Variants in PDIA6 observed in about 807,000 individuals in gnomAD.
PDIA6 encodes the protein protein disulfide isomerase family A member 6.
PDIA6 carries 29 observed loss-of-function variants against 58.4 expected under a neutral mutation model. The observed-to-expected ratio is 0.50, with a 90% CI of 0.37 to 0.68. The LOEUF is 0.68. Ranked by LOEUF, PDIA6 falls within the 30% of genes least tolerant of loss-of-function variation. The pLI, the probability that PDIA6 is intolerant of heterozygous loss-of-function variation, is 0.00. For missense variants in PDIA6, 480 were observed against 551.0 expected, an observed-to-expected ratio of 0.87 and a Z score of 1.29; for synonymous variants, 192 against 202.6, an observed-to-expected ratio of 0.95 and a Z score of 0.44.
At chr2:10,785,957 G>T (rs1408425575) in intron 11 of PDIA6, among the ~76,000 whole-genome samples, 1 of 151,452 alleles carries the variant, frequency 6.6e-6, no homozygotes, top group South Asian at 2.1e-4. Context: ...CAAGTGATCC[G>T]CCTGCCTCAG....
At chr2:10,784,873 C>A in intron 12 of PDIA6, 61 bp downstream of exon 12, 1 of 1,238,350 alleles carries the variant, frequency 8.1e-7, no homozygotes, top group Non-Finnish European at 1.2e-6. Flanking sequence ...TGCAGAGATG[C>A]ACAGGCTCAA....
chr2:10,806,029 A>T (rs1572681527), intron 1 of PDIA6, among the ~76,000 whole-genome samples: 1 of 61,116 alleles, frequency 1.6e-5, no homozygotes, highest in Admixed American at 2.0e-4. Context: ...TATAATTAAA[A>T]AAAAAAAAAA....
Position 10,802,604 on chromosome 2 carries a change from C to A in PDIA6, c.56G>T (p.Gly19Val). The A allele has an allele frequency of 2.0e-6, 3 of 1,479,720 alleles. No homozygotes were observed. The highest frequency in any genetic ancestry group is 1.5e-5 in the South Asian group (1 of 66,982). 91.7% of individuals were successfully genotyped at this position (1,479,720 alleles called of 1,614,324 possible). The change falls in exon 2 of 13, where the codon GGT (glycine) becomes GTT (valine). Residue 19 changes from glycine (G) to valine (V), a missense_variant. Transcript: ENST00000272227. The part of the protein sequence containing the change: ...VSCTFFLAVN[G>V]LYSSSDDVIE... Reference sequence around the variant, plus strand: ...CACATCATCACTAGAGGAATACAGACCATTCACTGCCAGAAAGAAGGTACA... The same window carrying A: ...CACATCATCACTAGAGGAATACAGAACATTCACTGCCAGAAAGAAGGTACA...
At chr2:10,824,210 A>T (rs1667484810) in intron 1 of PDIA6, among the ~76,000 whole-genome samples, 1 of 151,166 alleles carries the variant, frequency 6.6e-6, no homozygotes, top group Admixed American at 6.6e-5. Flanking sequence ...TCACACCTCC[A>T]GTCATGGGGA....
At chr2:10,785,485 A>C (rs1034546646) in intron 11 of PDIA6, among the ~76,000 whole-genome samples, 1 of 152,218 alleles carries the variant, frequency 6.6e-6, no homozygotes, top group Non-Finnish European at 1.5e-5. Context: ...TACTTGAAAC[A>C]TACCAGACCT....
intron 1 of PDIA6, among the ~76,000 whole-genome samples, chr2:10,804,189 T>C (rs1359723609): frequency 6.6e-6 from 1 of 151,984 alleles, no homozygotes; most frequent in Admixed American, 6.6e-5. Context: ...ATTACAGGCG[T>C]GAGCCACCGT....
intron 1 of PDIA6, among the ~76,000 whole-genome samples, chr2:10,804,061 A>G (rs1330213003): frequency 6.6e-6 from 1 of 151,602 alleles, no homozygotes; most frequent in African/African-American, 2.4e-5. Flanking sequence ...GGCGCCTGCC[A>G]CCACGCCTGG....
chr2:10,810,964 C>T (rs1482211989), intron 1 of PDIA6, among the ~76,000 whole-genome samples: 2 of 152,150 alleles, frequency 1.3e-5, no homozygotes, highest in African/African-American at 4.8e-5. Flanking sequence ...TGTGGTTTTC[C>T]ATTCCTCCAT....
intron 1 of PDIA6, among the ~76,000 whole-genome samples, chr2:10,819,751 T>A (rs1667326339): frequency 6.6e-6 from 1 of 151,650 alleles, no homozygotes; most frequent in Middle Eastern, 3.2e-3. Context: ...TTATACACAG[T>A]TGTGTTTTGC....
chr2:10,819,118 A>C (rs545417107), intron 2 of PDIA6, among the ~76,000 whole-genome samples: 2 of 117,920 alleles, frequency 1.7e-5, no homozygotes, highest in South Asian at 4.7e-4. Flanking sequence ...GGCATGTGTC[A>C]ATTTCCTTCC....
At chr2:10,812,897 T>G, upstream of PDIA6, 2 of 1,106,538 alleles carry the variant, frequency 1.8e-6, no homozygotes, top group Non-Finnish European at 2.2e-6. Flanking sequence ...CTCACTCACA[T>G]ATCCAATGGG....
intron 1 of PDIA6, among the ~76,000 whole-genome samples, chr2:10,806,622 T>TAAAGACGAAAGAAAGAAAGAAAGACAG (rs1553339902): frequency 2.1e-5 from 1 of 48,694 alleles, no homozygotes; most frequent in Non-Finnish European, 6.8e-5. Flanking sequence ...TCCTAAAAAA[T>TAAAGACGAAAGAAAGAAAGAAAGACAG]AAAGACAGAA....
At chr2:10,791,001 C>T (rs1666010013) in intron 6 of PDIA6, among the ~76,000 whole-genome samples, 168 bp from the exon 7 acceptor site, 1 of 152,122 alleles carries the variant, frequency 6.6e-6, no homozygotes, top group Non-Finnish European at 1.5e-5. Flanking sequence ...TGTGTGCCAC[C>T]ACCCACTGTT....
intron 1 of PDIA6, 38 bp from the exon 2 acceptor site, chr2:10,802,678 G>A (rs375482030): frequency 7.4e-7 from 1 of 1,355,620 alleles, no homozygotes; most frequent in South Asian, 2.4e-5. Flanking sequence ...TAACAGCACT[G>A]TTCATGCTTT....
chr2:10,811,712 C>A (rs1667005135), intron 1 of PDIA6, among the ~76,000 whole-genome samples: 1 of 152,186 alleles, frequency 6.6e-6, no homozygotes, highest in South Asian at 2.1e-4. Flanking sequence ...GTGACCAAGG[C>A]GAGCCCGGCA....
chr2:10,827,435 C>G (rs939614277), intron 1 of PDIA6, among the ~76,000 whole-genome samples: 1 of 152,186 alleles, frequency 6.6e-6, no homozygotes, highest in African/African-American at 2.4e-5. Flanking sequence ...AGAGGAGAAC[C>G]TTCCTATGTG....
chr2:10,821,066 T>G, intron 1 of PDIA6: 1 of 527,882 alleles, frequency 1.9e-6, no homozygotes, highest in South Asian at 2.4e-5. Context: ...TCAGGTCGTG[T>G]TTTAAAACAG....
chr2:10,789,976 G>A (rs1665957396), intron 7 of PDIA6, 87 bp from the exon 8 acceptor site: 2 of 1,199,606 alleles, frequency 1.7e-6, no homozygotes, highest in African/African-American at 1.7e-5. Context: ...CCACCTTATA[G>A]GTAATTTTTT....
At chr2:10,816,915 C>T (rs922704894), upstream of PDIA6, among the ~76,000 whole-genome samples, 15 of 152,216 alleles carry the variant, frequency 9.9e-5, no homozygotes, top group Non-Finnish European at 2.1e-4. Context: ...ACACTATAGG[C>T]TTTCAAGGAA....
Sources: allele counts gnomAD v4.1 joint callset (sites outside exome capture counted in the v4.1 genomes callset), GRCh38; gene constraint gnomAD v4.1.1; transcripts MANE v1.5; gene names NCBI Gene and HGNC (gene_info 2026-07-23, HGNC 2026-07-21).